The following DNAAF6 variants were observed in gnomAD, a reference collection of about 807,000 sequenced individuals.
DNAAF6 encodes dynein axonemal assembly factor 6.
In DNAAF6, 3 loss-of-function variants were observed where a neutral mutation model predicts 13.7. The ratio of observed to expected loss-of-function variants is 0.22; its 90% CI spans 0.10 to 0.56. DNAAF6 has a LOEUF of 0.56. Ranked by LOEUF, DNAAF6 falls within the 20% of genes least tolerant of loss-of-function variation. The pLI, the probability that DNAAF6 is intolerant of heterozygous loss-of-function variation, is 0.92. For synonymous variants in DNAAF6, 54 were observed against 49.2 expected (o/e 1.10, Z -0.41); for missense variants, 130 against 151.0 (o/e 0.86, Z 0.73).
chrX:107,240,699 G>A (rs1037709658), intron 6 of DNAAF6, among the ~76,000 whole-genome samples: 1 of 111,730 alleles, frequency 9.0e-6, no homozygotes, highest in African/African-American at 3.2e-5. Context: ...TCAATTGGTT[G>A]TTTTGGCATG....
chrX:107,236,899 G>A (rs1228735984), intron 5 of DNAAF6, among the ~76,000 whole-genome samples: 1 of 111,662 alleles, frequency 9.0e-6, no homozygotes, highest in Non-Finnish European at 1.9e-5. Context: ...AAATGGGTGG[G>A]ACTTTCTTTG....
chrX:107,209,124 A>C (rs1569370647), intron 1 of DNAAF6, among the ~76,000 whole-genome samples: 1 of 111,399 alleles, frequency 9.0e-6, no homozygotes, highest in East Asian at 2.8e-4. Flanking sequence ...AAAAATGCAA[A>C]GCAGAAAGCA....
chrX:107,210,702 C>T (rs138561986), intron 1 of DNAAF6, among the ~76,000 whole-genome samples: 2,139 of 111,353 alleles, frequency 0.019, 67 homozygotes, highest in African/African-American at 0.066. Flanking sequence ...GCATTACAGA[C>T]GTCAGTCAGC....
chrX:107,232,670 A>C (rs777606164), intron 5 of DNAAF6, among the ~76,000 whole-genome samples: 53 of 111,752 alleles, frequency 4.7e-4, no homozygotes, highest in Non-Finnish European at 8.3e-4. Context: ...TTCACTAAGA[A>C]GGCAATATTT....
intron 2 of DNAAF6, among the ~76,000 whole-genome samples, chrX:107,215,270 C>A (rs768669728): frequency 9.0e-6 from 1 of 110,905 alleles, no homozygotes; most frequent in South Asian, 3.8e-4. Context: ...GAAAGTATAC[C>A]AATTTTTGTC....
intron 5 of DNAAF6, among the ~76,000 whole-genome samples, chrX:107,233,796 A>G (rs2147836321): frequency 9.0e-6 from 1 of 111,356 alleles, no homozygotes; most frequent in East Asian, 2.8e-4. Flanking sequence ...AAAGAGGCTA[A>G]AGAGATAAGG....
intron 2 of DNAAF6, 93 bp downstream of exon 2, chrX:107,213,121 G>C: frequency 1.1e-6 from 1 of 900,720 alleles, no homozygotes; most frequent in Non-Finnish European, 1.5e-6. Flanking sequence ...TGTGGGAACA[G>C]AGCTGTGTCA....
intron 5 of DNAAF6, among the ~76,000 whole-genome samples, chrX:107,229,716 C>A (rs1928340745): frequency 9.0e-6 from 1 of 110,596 alleles, no homozygotes. Flanking sequence ...TCTTTTAACT[C>A]TCGCTCTGTC....
chrX:107,221,311 C>T (rs752164109), intron 4 of DNAAF6, among the ~76,000 whole-genome samples: 14 of 109,778 alleles, frequency 1.3e-4, no homozygotes, highest in African/African-American at 2.7e-4. Context: ...ACCGCCCCCC[C>T]GGCCCCGCCC....
chrX:107,222,847 C>G lies in DNAAF6; in HGVS notation c.429+6C>G. The G allele has an allele frequency of 8.4e-7, 1 of 1,189,935 alleles. No individual in the cohort carries two copies. Among genetic ancestry groups the G allele is most frequent in the Non-Finnish European group, 1.1e-6 (1 of 886,927 alleles). On this transcript the variant is annotated splice_donor_region_variant and intron_variant, in intron 5 of 6. Coordinates refer to ENST00000372453, the MANE Select transcript of DNAAF6 (RefSeq NM_173494.2). The stretch of plus-strand genomic sequence containing the variant: ...GTTGTTGCAGTGAACTAGTGGTAAG[C>G]CTCTCCTCCCCTTCTTCATTTTCTA...
At chrX:107,219,451 A>G (rs1354052759) in intron 4 of DNAAF6, among the ~76,000 whole-genome samples, 1 of 111,824 alleles carries the variant, frequency 8.9e-6, no homozygotes, top group Non-Finnish European at 1.9e-5. Context: ...TTTAGTGTTC[A>G]GTGTATTTTG....
At chrX:107,228,553 A>G (rs1031257089) in intron 5 of DNAAF6, among the ~76,000 whole-genome samples, 22 of 110,511 alleles carry the variant, frequency 2.0e-4, no homozygotes, top group African/African-American at 7.3e-4. Flanking sequence ...AACAGTAAAA[A>G]AAAAAAAGTA....
chrX:107,227,426 C>T (rs931964555), intron 5 of DNAAF6, among the ~76,000 whole-genome samples: 37 of 110,904 alleles, frequency 3.3e-4, no homozygotes, highest in African/African-American at 1.2e-3. Context: ...ATGTATTTGG[C>T]TGCTTGATAA....
At chrX:107,242,513 T>C (rs1928645456) in intron 6 of DNAAF6, among the ~76,000 whole-genome samples, 1 of 112,726 alleles carries the variant, frequency 8.9e-6, no homozygotes, top group Non-Finnish European at 1.9e-5. Context: ...GTGCATAATT[T>C]AGATTCATGC....
At chrX:107,227,757 T>A in intron 5 of DNAAF6, among the ~76,000 whole-genome samples, 1 of 111,235 alleles carries the variant, frequency 9.0e-6, no homozygotes, top group Admixed American at 9.6e-5. Flanking sequence ...GCTAATCTAA[T>A]CATATAGACA....
Position 107,214,157 on chromosome X carries a change from T to C in DNAAF6, c.153+1129T>C, listed in dbSNP as rs564723198. On this transcript the variant is annotated intron_variant, in intron 2 of 6. Coordinates refer to ENST00000372453, the MANE Select transcript of DNAAF6 (RefSeq NM_173494.2). Reference sequence around the variant, plus strand: ...AGTTTTAGTCAGGGAAAAGTCTTAGTAGAGGCTAAACAAAGAAACATCAGG... The same window carrying C: ...AGTTTTAGTCAGGGAAAAGTCTTAGCAGAGGCTAAACAAAGAAACATCAGG... Among the ~76,000 whole-genome samples the C allele has an allele frequency of 3.1e-4, 35 of 111,659 alleles. No homozygotes were observed. The South Asian group carries it at 0.013, about 42-fold the overall frequency.
At chrX:107,232,277 G>A (rs1928420451) in intron 5 of DNAAF6, among the ~76,000 whole-genome samples, 1 of 111,225 alleles carries the variant, frequency 9.0e-6, no homozygotes, top group Non-Finnish European at 1.9e-5. Context: ...GGAGTCAAGA[G>A]TCCTCAGAGG....
chrX:107,215,912 G>A lies in DNAAF6; in HGVS notation c.154-759G>A, dbSNP rs756019825. ...TCTTGAAATATCAAAGAATCCCTGA[G>A]ACGGGCCAATGAGGTGGTGTCGCTA... On this transcript the variant is annotated intron_variant, in intron 2 of 6. Transcript: ENST00000372453. Among the ~76,000 whole-genome samples, 3 of 111,711 alleles carry A rather than the reference G, an allele frequency of 2.7e-5. No homozygotes were observed. In the South Asian group the frequency reaches 1.1e-3, roughly 42 times the overall value.
chrX:107,243,716 A>G lies in DNAAF6; in HGVS notation c.*418A>G, dbSNP rs1928671777. On this transcript the variant is annotated 3_prime_UTR_variant, in exon 7 of 7. Transcript: ENST00000372453. ...ATATGTTTTCTTATGTAAATAAACT[A>G]TTCTATTTTTATAGTGATAGCTGAG... 8.7e-6 allele frequency: 1 copy of G among 115,584 alleles called. No homozygotes were observed. Among genetic ancestry groups the G allele is most frequent in the South Asian group, 3.5e-4 (1 of 2,885 alleles). 9.5% of individuals were successfully genotyped at this position (115,584 alleles called of 1,213,427 possible).
Sources: gnomAD v4.1 joint callset for allele counts (sites outside exome capture counted in the v4.1 genomes callset) on GRCh38, gnomAD v4.1.1 for gene constraint, MANE v1.5 for transcripts, NCBI Gene and HGNC (gene_info 2026-07-23, HGNC 2026-07-21) for gene names.